The following ATRNL1 variants were observed in gnomAD, a reference collection of about 807,000 sequenced individuals.
ATRNL1 encodes attractin-like protein 1.
A neutral mutation model predicts 182.7 loss-of-function variants in ATRNL1; 95 were observed. That is an observed-to-expected ratio of 0.52 (90% CI 0.44 to 0.62). The LOEUF is 0.62. ATRNL1 is among the 20% of genes least tolerant of loss of function. ATRNL1 has a pLI of 0.00. For missense variants in ATRNL1, 1,471 were observed against 1,679.5 expected, an observed-to-expected ratio of 0.88 and a Z score of 2.17; for synonymous variants, 576 against 568.3, an observed-to-expected ratio of 1.01 and a Z score of -0.19.
At position 115,466,616 on chromosome 10, in the gene ATRNL1, T is replaced by A. The variant is rs567787199; in HGVS notation, c.3418-558T>A. ...TGGCATAAAATTAAATTCTCAGTGT[T>A]CCTCTCTATAACTGTGTAAACAATG... On this transcript the variant is annotated intron_variant, in intron 22 of 28. Transcript: ENST00000355044. Among the ~76,000 whole-genome samples the A allele has an allele frequency of 1.2e-4, 18 of 151,396 alleles. No individual in the cohort carries two copies. In the South Asian group the frequency reaches 3.3e-3, roughly 28 times the overall value.
intron 27 of ATRNL1, among the ~76,000 whole-genome samples, chr10:115,802,021 A>AACACACAC (rs60513803): frequency 1.0e-3 from 127 of 125,986 alleles, no homozygotes; most frequent in African/African-American, 3.0e-3. Flanking sequence ...AAAAAAAAGA[A>AACACACAC]ACACACACAC....
intron 24 of ATRNL1, among the ~76,000 whole-genome samples, chr10:115,496,069 A>G (rs1849536332): frequency 6.6e-6 from 1 of 152,140 alleles, no homozygotes; most frequent in Admixed American, 6.6e-5. Context: ...ACCATTGTAT[A>G]ATACCCATCT....
Position 115,265,210 on chromosome 10 carries a change from A to G in ATRNL1, c.1705A>G (p.Ile569Val), listed in dbSNP as rs142082253. ...TTTTCTAGCTTGTGATGAATGGAAA[A>G]TACTACCAAAACCAAATCTTCATAG... ...AYDIACDEWKILPKPNLHRDV... is the reference protein window; with the variant it reads ...AYDIACDEWKVLPKPNLHRDV... Residue 569 changes from isoleucine to valine, a missense_variant, in exon 11 of 29, where the codon ATA (isoleucine) becomes GTA (valine). By Grantham distance (29) the Ile-to-Val change is conservative (BLOSUM62 3). This residue lies in a region of ATRNL1 where 1,031 missense variants were observed against 1,156.0 expected (regional missense o/e 0.89). Transcript: ENST00000355044. The G allele has an allele frequency of 4.7e-5, 76 of 1,606,260 alleles. No individual in the cohort carries two copies. Among genetic ancestry groups the G allele is most frequent in the Non-Finnish European group, 6.1e-5 (72 of 1,175,230 alleles).
At chr10:115,475,614 A>G (rs976260138) in intron 24 of ATRNL1, among the ~76,000 whole-genome samples, 6 of 151,488 alleles carry the variant, frequency 4.0e-5, no homozygotes, top group Non-Finnish European at 8.9e-5. Context: ...TACCCAATCT[A>G]TAAAATGAAG....
chr10:115,105,063 A>G (rs1358987686), intron 1 of ATRNL1, among the ~76,000 whole-genome samples: 2 of 152,002 alleles, frequency 1.3e-5, no homozygotes, highest in East Asian at 3.9e-4. Context: ...CATATATTTT[A>G]TGATTTTTTT....
chr10:115,531,129 T>G (rs1554988133), intron 25 of ATRNL1, among the ~76,000 whole-genome samples: 1 of 151,226 alleles, frequency 6.6e-6, no homozygotes, highest in African/African-American at 2.4e-5. Flanking sequence ...TTATAGTCCT[T>G]TGGGTATATA....
intron 28 of ATRNL1, among the ~76,000 whole-genome samples, chr10:115,927,149 A>G (rs750971340): frequency 1.1e-4 from 16 of 152,162 alleles, no homozygotes; most frequent in South Asian, 6.2e-4. Flanking sequence ...ACATAAACAG[A>G]ACTAAAGACA....
At chr10:115,749,322 T>G (rs557241949) in intron 27 of ATRNL1, among the ~76,000 whole-genome samples, 1 of 152,062 alleles carries the variant, frequency 6.6e-6, no homozygotes, top group African/African-American at 2.4e-5. Context: ...TCACTAATTC[T>G]TTTTATTCTT....
intron 26 of ATRNL1, among the ~76,000 whole-genome samples, chr10:115,672,619 A>G (rs879971298): frequency 1.3e-5 from 2 of 152,110 alleles, no homozygotes; most frequent in African/African-American, 2.4e-5. Flanking sequence ...GGCTTCTTAG[A>G]TTTCGATTTT....
chr10:115,691,212 G>A (rs556624873), intron 26 of ATRNL1, among the ~76,000 whole-genome samples: 6 of 152,042 alleles, frequency 3.9e-5, no homozygotes, highest in Non-Finnish European at 8.8e-5. Flanking sequence ...GTTTTCCATC[G>A]TGCCTGTACC....
At chr10:115,697,728 T>C (rs765476231) in intron 26 of ATRNL1, among the ~76,000 whole-genome samples, 9 of 152,200 alleles carry the variant, frequency 5.9e-5, no homozygotes, top group Non-Finnish European at 1.3e-4. Context: ...TATGCTATTT[T>C]GGAATCTCAT....
intron 9 of ATRNL1, among the ~76,000 whole-genome samples, chr10:115,223,882 AAT>A (rs1176351254): frequency 6.6e-5 from 8 of 121,358 alleles, no homozygotes; most frequent in Admixed American, 8.3e-5. Context: ...ATGTGTATTT[AAT>A]ATATGTGTGT....
chr10:115,906,857 A>G (rs575014968), intron 28 of ATRNL1, among the ~76,000 whole-genome samples: 21 of 152,258 alleles, frequency 1.4e-4, no homozygotes, highest in Admixed American at 1.2e-3. Flanking sequence ...ATATAAAACT[A>G]CTTATGTACC....
chr10:115,095,214 G>C lies in ATRNL1; in HGVS notation c.293+1171G>C, dbSNP rs969385545. On this transcript the variant is annotated intron_variant, in intron 1 of 28. Transcript: ENST00000355044. ...GTTTGCTGGCTGGTTTGTGGCTCTTGAATATTGTAGATTACTGATATTGTT... is the reference window on the plus strand; with the variant it reads ...GTTTGCTGGCTGGTTTGTGGCTCTTCAATATTGTAGATTACTGATATTGTT... 5.3e-5 allele frequency among the ~76,000 whole-genome samples: 8 copies of C among 152,150 alleles called. No homozygotes were observed. The East Asian group carries it at 1.5e-3, about 29-fold the overall frequency.
chr10:115,354,692 T>C (rs1249879382), intron 19 of ATRNL1, among the ~76,000 whole-genome samples: 2 of 152,124 alleles, frequency 1.3e-5, no homozygotes, highest in East Asian at 3.9e-4. Flanking sequence ...ATCTTCTTGA[T>C]GTTCTTTCAC....
chr10:115,490,194 T>A (rs1449134507), intron 24 of ATRNL1, among the ~76,000 whole-genome samples: 1 of 152,118 alleles, frequency 6.6e-6, no homozygotes, highest in African/African-American at 2.4e-5. Flanking sequence ...AATCTGATGA[T>A]TATGTGTCTT....
At chr10:115,515,558 A>C (rs978794685) in intron 24 of ATRNL1, among the ~76,000 whole-genome samples, 7 of 151,758 alleles carry the variant, frequency 4.6e-5, no homozygotes, top group African/African-American at 1.7e-4. Flanking sequence ...AGATTTTTAA[A>C]ATACTTTCTC....
chr10:115,719,704 A>T (rs950960182), intron 26 of ATRNL1, among the ~76,000 whole-genome samples: 18 of 152,102 alleles, frequency 1.2e-4, no homozygotes, highest in African/African-American at 4.3e-4. Context: ...TAGCATGATC[A>T]TCCCCCCGCC....
At chr10:115,397,109 T>A (rs1360814334) in intron 20 of ATRNL1, among the ~76,000 whole-genome samples, 2 of 151,852 alleles carry the variant, frequency 1.3e-5, no homozygotes, top group African/African-American at 4.8e-5. Context: ...AGCAATTAAT[T>A]GCTATAATCT....
Sources: allele counts gnomAD v4.1 joint callset (sites outside exome capture counted in the v4.1 genomes callset), GRCh38; gene constraint gnomAD v4.1.1; regional missense constraint gnomAD v4.1.1; transcripts MANE v1.5; gene names NCBI Gene and HGNC (gene_info 2026-07-23, HGNC 2026-07-21).